MGAT4C: variants seen among roughly 807,000 people sequenced by gnomAD.
MGAT4C encodes MGAT4 family member C.
MGAT4C carries 19 observed loss-of-function variants against 40.1 expected under a neutral mutation model. That is an observed-to-expected ratio of 0.47 (90% CI 0.33 to 0.70). The LOEUF (loss-of-function observed/expected upper bound fraction) is 0.70. MGAT4C is among the 30% of genes least tolerant of loss of function. The pLI, the probability that MGAT4C is intolerant of heterozygous loss-of-function variation, is 0.02. For missense variants in MGAT4C, 491 were observed against 563.2 expected (o/e 0.87, Z 1.30); for synonymous variants, 181 against 187.1 (o/e 0.97, Z 0.27).
intron 2 of MGAT4C, among the ~76,000 whole-genome samples, chr12:86,695,826 A>C (rs1444925638): frequency 6.6e-6 from 1 of 152,104 alleles, no homozygotes; most frequent in Non-Finnish European, 1.5e-5. Context: ...AATAGGTACA[A>C]AAAAATAGAA....
intron 4 of MGAT4C, among the ~76,000 whole-genome samples, chr12:86,315,650 G>A (rs1443512627): frequency 6.6e-6 from 1 of 152,164 alleles, no homozygotes; most frequent in Non-Finnish European, 1.5e-5. Flanking sequence ...AGCTTGCAGT[G>A]AGCCGAGATC....
chr12:86,824,149 C>T (rs1353701882), intron 1 of MGAT4C, among the ~76,000 whole-genome samples: 1 of 151,366 alleles, frequency 6.6e-6, no homozygotes, highest in Non-Finnish European at 1.5e-5. Context: ...CTCAGATCAT[C>T]TCAGTGGCAG....
chr12:85,994,732 G>T (rs975441060), intron 2 of MGAT4C, among the ~76,000 whole-genome samples: 1 of 152,072 alleles, frequency 6.6e-6, no homozygotes, highest in Non-Finnish European at 1.5e-5. Context: ...ATTTCAAGTA[G>T]GGAGAACAGA....
At position 86,263,537 on chromosome 12, in the gene MGAT4C, T is replaced by C. The variant is rs1465913465; in HGVS notation, c.-57+70528A>G. The stretch of plus-strand genomic sequence containing the variant: ...ATTTTTTTGGCTGAATAGTACTCCA[T>C]TGTGTATATATGCCAAATTTTCTTT... On this transcript the variant is annotated intron_variant, in intron 4 of 7. Transcript: ENST00000548651. Among the ~76,000 whole-genome samples, 5 of 152,204 alleles carry C rather than the reference T, an allele frequency of 3.3e-5. No homozygotes were observed. In the South Asian group the frequency reaches 6.2e-4, roughly 19 times the overall value.
At chr12:86,549,092 T>C (rs1197565799) in intron 2 of MGAT4C, among the ~76,000 whole-genome samples, 1 of 152,136 alleles carries the variant, frequency 6.6e-6, no homozygotes, top group Non-Finnish European at 1.5e-5. Context: ...ATAAGGTATA[T>C]AGTAGCACTC....
intron 3 of MGAT4C, among the ~76,000 whole-genome samples, chr12:86,396,326 G>T (rs569881108): frequency 6.6e-6 from 1 of 152,070 alleles, no homozygotes; most frequent in South Asian, 2.1e-4. Context: ...CCCAATGTGA[G>T]AACCTTAAAA....
intron 1 of MGAT4C, among the ~76,000 whole-genome samples, chr12:86,741,955 A>G (rs1951076425): frequency 1.3e-5 from 2 of 151,544 alleles, no homozygotes; most frequent in South Asian, 4.1e-4. Context: ...TATTTAAACA[A>G]CATTATTTTC....
At chr12:86,037,903 C>T (rs1001928689) in intron 2 of MGAT4C, among the ~76,000 whole-genome samples, 2 of 149,390 alleles carry the variant, frequency 1.3e-5, no homozygotes, top group African/African-American at 2.4e-5. Context: ...TAAAGTCTCC[C>T]ACTATTATTG....
At chr12:86,487,395 A>C (rs1264926022) in intron 2 of MGAT4C, among the ~76,000 whole-genome samples, 3 of 152,216 alleles carry the variant, frequency 2.0e-5, no homozygotes, top group African/African-American at 7.2e-5. Flanking sequence ...ATCAGACTTA[A>C]TTATCTGCAT....
At chr12:86,263,819 A>T (rs528789559) in intron 4 of MGAT4C, among the ~76,000 whole-genome samples, 1 of 152,246 alleles carries the variant, frequency 6.6e-6, no homozygotes, top group Admixed American at 6.5e-5. Flanking sequence ...CCTTTTCTCT[A>T]AATTCTCACT....
chr12:86,782,391 C>T (rs1223354262), intron 1 of MGAT4C, among the ~76,000 whole-genome samples: 1 of 151,874 alleles, frequency 6.6e-6, no homozygotes, highest in African/African-American at 2.4e-5. Context: ...CCATGTTAGC[C>T]AGGATGGTCT....
intron 1 of MGAT4C, among the ~76,000 whole-genome samples, chr12:86,171,841 T>C (rs1232317645): frequency 6.6e-6 from 1 of 152,162 alleles, no homozygotes. Context: ...TTCCAGATAG[T>C]CTCACCCTTA....
At chr12:86,136,292 T>C (rs888857997) in intron 1 of MGAT4C, among the ~76,000 whole-genome samples, 2 of 152,184 alleles carry the variant, frequency 1.3e-5, no homozygotes, top group Non-Finnish European at 2.9e-5. Flanking sequence ...TCTGTCTTTA[T>C]GTAGCTCACA....
chr12:86,588,285 A>T (rs893958902), intron 2 of MGAT4C, among the ~76,000 whole-genome samples: 26 of 152,158 alleles, frequency 1.7e-4, no homozygotes, highest in Non-Finnish European at 2.8e-4. Flanking sequence ...TTAAACCAAA[A>T]AAGATCAAAA....
intron 3 of MGAT4C, among the ~76,000 whole-genome samples, chr12:86,341,941 G>A (rs989627974): frequency 1.3e-5 from 2 of 152,130 alleles, no homozygotes; most frequent in Non-Finnish European, 2.9e-5. Context: ...TTTGAGCATT[G>A]GAGTGCCTGA....
chr12:86,603,400 ATT>A (rs1412135422), intron 2 of MGAT4C, among the ~76,000 whole-genome samples: 3 of 126,472 alleles, frequency 2.4e-5, no homozygotes, highest in African/African-American at 9.2e-5. Flanking sequence ...TATAATATAT[ATT>A]ATATATTAGT....
intron 2 of MGAT4C, among the ~76,000 whole-genome samples, chr12:86,526,127 G>A (rs1209102709): frequency 6.6e-6 from 1 of 152,196 alleles, no homozygotes; most frequent in Non-Finnish European, 1.5e-5. Context: ...CAGGGACGGT[G>A]CTGTTGGGCA....
At chr12:86,585,287 A>C (rs894296001) in intron 2 of MGAT4C, among the ~76,000 whole-genome samples, 1 of 151,488 alleles carries the variant, frequency 6.6e-6, no homozygotes, top group Non-Finnish European at 1.5e-5. Context: ...GGACTGGAAA[A>C]ATGATTCCAA....
At chr12:86,246,222 G>T (rs925940713) in intron 1 of MGAT4C, among the ~76,000 whole-genome samples, 1 of 115,626 alleles carries the variant, frequency 8.6e-6, no homozygotes. Context: ...GTCTCGCTCA[G>T]TTGCCAAGGC....
Sources: allele counts gnomAD v4.1 joint callset (sites outside exome capture counted in the v4.1 genomes callset), GRCh38; gene constraint gnomAD v4.1.1; transcripts MANE v1.5; gene names NCBI Gene and HGNC (gene_info 2026-07-23, HGNC 2026-07-21).